The following DLGAP3 variants were observed in gnomAD, a reference collection of about 807,000 sequenced individuals.
The protein encoded by DLGAP3 is disks large-associated protein 3.
Under a neutral mutation model 81.2 loss-of-function variants are expected in DLGAP3, and 17 were observed. That is an observed-to-expected ratio of 0.21 (90% CI 0.14 to 0.31). The LOEUF is 0.31. Among genes scored for constraint, DLGAP3 ranks in the 10% least tolerant of loss-of-function variants. DLGAP3 has a pLI of 1.00. For missense variants in DLGAP3, 1,124 were observed against 1,388.0 expected (o/e 0.81, Z 3.02); for synonymous variants, 577 against 587.4 (o/e 0.98, Z 0.26).
At chr1:34,897,394 G>A (rs1341646212) in intron 5 of DLGAP3, among the ~76,000 whole-genome samples, 1 of 152,170 alleles carries the variant, frequency 6.6e-6, no homozygotes, top group Admixed American at 6.5e-5. Context: ...GGGCATTTGG[G>A]AAAAGACCTG....
chr1:34,924,467 T>C (rs1237390166), intron 1 of DLGAP3, among the ~76,000 whole-genome samples: 3 of 152,176 alleles, frequency 2.0e-5, no homozygotes, highest in Admixed American at 6.5e-5. Flanking sequence ...TATTTCAGTG[T>C]CCCTGTCCCA....
Position 34,886,289 on chromosome 1 carries a change from G to A in DLGAP3, c.1387-4C>T, listed in dbSNP as rs901331634. 4.4e-6 allele frequency: 7 copies of A among 1,577,714 alleles called. No homozygotes were observed. The highest frequency in any genetic ancestry group is 1.2e-5 in the South Asian group (1 of 86,434). ...GCTGGTTCAACTCATCGCTGAGCTG[G>A]GGGGCAGGGGGTCGGGAGGACAGTT... On this transcript the variant is annotated splice_region_variant and splice_polypyrimidine_tract_variant and intron_variant, in intron 5 of 11. Coordinates refer to ENST00000373347, the MANE Select transcript of DLGAP3 (RefSeq NM_001080418.3).
At position 34,895,466 on chromosome 1, in the gene DLGAP3, G is replaced by C. The variant is rs1047267903; in HGVS notation, c.1386+4203C>G. On this transcript the variant is annotated intron_variant, in intron 5 of 11. Coordinates refer to ENST00000373347, the MANE Select transcript of DLGAP3 (RefSeq NM_001080418.3). This position sits in a 1 kb window ranked among gnomAD's most constrained non-coding sequence, Gnocchi z 4.5. Reference sequence around the variant, plus strand: ...AAATGGAAATACATCCAATATTCAAGGATAATAATACTTAATATTGTTAAG... The same window carrying C: ...AAATGGAAATACATCCAATATTCAACGATAATAATACTTAATATTGTTAAG... Among the ~76,000 whole-genome samples, 3 of 151,830 alleles carry C rather than the reference G, an allele frequency of 2.0e-5. No homozygotes were observed. Among genetic ancestry groups the C allele is most frequent in the African/African-American group, 7.3e-5 (3 of 41,362 alleles).
At chr1:34,901,923 A>C (rs1639466270) in intron 3 of DLGAP3, among the ~76,000 whole-genome samples, 1 of 152,216 alleles carries the variant, frequency 6.6e-6, no homozygotes, top group Non-Finnish European at 1.5e-5. Context: ...ATAGTCTTTA[A>C]ACCTCAGAAG....
chr1:34,908,568 T>A (rs1190883782), intron 1 of DLGAP3, among the ~76,000 whole-genome samples: 1 of 152,192 alleles, frequency 6.6e-6, no homozygotes, highest in Non-Finnish European at 1.5e-5. Flanking sequence ...CAGCCGTGAC[T>A]GGAAGACTAA....
Position 34,868,984 on chromosome 1 carries a change from G to T in DLGAP3, c.2106C>A (p.Ala702=). 1 of 1,608,728 alleles carries T rather than the reference G, an allele frequency of 6.2e-7. No homozygotes were observed. ...GLATVATEDK[A]LQFGRSFQRH... Reference sequence around the variant, plus strand: ...TCTGGAAGGAGCGTCCAAACTGCAGGGCCTTGTCTTCTGTGGCCACCGTGG... The same window carrying T: ...TCTGGAAGGAGCGTCCAAACTGCAGTGCCTTGTCTTCTGTGGCCACCGTGG... The change falls in exon 9 of 12, where the codon GCC becomes GCA. Residue 702 remains alanine, a synonymous_variant. Coordinates refer to ENST00000373347, the MANE Select transcript of DLGAP3 (RefSeq NM_001080418.3). This position sits in a 1 kb window ranked among gnomAD's most constrained non-coding sequence, Gnocchi z 7.5.
chr1:34,920,121 G>A (rs948691951), intron 1 of DLGAP3, among the ~76,000 whole-genome samples: 1 of 152,156 alleles, frequency 6.6e-6, no homozygotes, highest in African/African-American at 2.4e-5. Context: ...GCTCTCCGCA[G>A]CCATTCCCCT....
chr1:34,915,771 G>A (rs1249176113), intron 1 of DLGAP3, among the ~76,000 whole-genome samples: 1 of 152,164 alleles, frequency 6.6e-6, no homozygotes, highest in African/African-American at 2.4e-5. Flanking sequence ...GCTCTCTCTG[G>A]GTTTCAGAGA....
intron 1 of DLGAP3, among the ~76,000 whole-genome samples, chr1:34,928,163 T>C (rs1212396332): frequency 6.6e-6 from 1 of 152,098 alleles, no homozygotes; most frequent in African/African-American, 2.4e-5. Flanking sequence ...TTATTATTAC[T>C]TCAAAGAGCT....
Position 34,895,525 on chromosome 1 carries a change from A to G in DLGAP3, c.1386+4144T>C, listed in dbSNP as rs1419632571. ...ACTCCATAAATTAATCTACACATTCAGAGCAATCCCTTCAAATTCCCAACT... is the reference window on the plus strand; with the variant it reads ...ACTCCATAAATTAATCTACACATTCGGAGCAATCCCTTCAAATTCCCAACT... On this transcript the variant is annotated intron_variant, in intron 5 of 11. Transcript: ENST00000373347. The surrounding 1 kb of genome is among the most constrained non-coding windows in gnomAD (Gnocchi z 4.5). Among the ~76,000 whole-genome samples the G allele has an allele frequency of 2.0e-5, 3 of 152,192 alleles. No individual in the cohort carries two copies. Among genetic ancestry groups the G allele is most frequent in the Admixed American group, 1.3e-4 (2 of 15,274 alleles).
intron 1 of DLGAP3, among the ~76,000 whole-genome samples, chr1:34,924,145 C>T (rs1422967063): frequency 1.3e-5 from 2 of 152,180 alleles, no homozygotes; most frequent in East Asian, 3.9e-4. Flanking sequence ...GTTACAAAGA[C>T]AGTGCATAAG....
Position 34,904,747 on chromosome 1 carries a change from C to T in DLGAP3, c.637G>A (p.Gly213Ser), listed in dbSNP as rs747689409. 1.7e-5 allele frequency: 27 copies of T among 1,611,644 alleles called. No homozygotes were observed. Among genetic ancestry groups the T allele is most frequent in the African/African-American group, 2.7e-5 (2 of 74,924 alleles). ...GTGTGGGGGCCTCCAGAGCCCGGGC[C>T]GGGGTAGCTGTCTCCTCCAGAGCCA... ...RGGSGGDSYP[G>S]PGSGGPHTSH... The change falls in exon 3 of 12, where the codon GGC becomes AGC. Residue 213 changes from glycine to serine, a missense_variant. Physicochemically the swap from Gly to Ser is moderately conservative, Grantham distance 56 (BLOSUM62 0). Coordinates refer to ENST00000373347, the MANE Select transcript of DLGAP3 (RefSeq NM_001080418.3). This position sits in a 1 kb window ranked among gnomAD's most constrained non-coding sequence, Gnocchi z 8.1.
intron 1 of DLGAP3, among the ~76,000 whole-genome samples, chr1:34,928,104 G>C (rs1456385586): frequency 6.6e-6 from 1 of 152,154 alleles, no homozygotes; most frequent in South Asian, 2.1e-4. Context: ...GAAGAGTTCA[G>C]AGGGCAGCAT....
intron 8 of DLGAP3, among the ~76,000 whole-genome samples, chr1:34,872,949 A>G (rs1416671530): frequency 6.6e-6 from 1 of 152,266 alleles, no homozygotes; most frequent in Non-Finnish European, 1.5e-5. Flanking sequence ...CAGCAGGAAT[A>G]CAACATTAAC....
At chr1:34,917,204 C>T (rs1007202179) in intron 1 of DLGAP3, among the ~76,000 whole-genome samples, 5 of 152,148 alleles carry the variant, frequency 3.3e-5, no homozygotes, top group South Asian at 2.1e-4. Flanking sequence ...TACACAGCCA[C>T]GCAGTCATCC....
chr1:34,866,176 C>A lies in DLGAP3; in HGVS notation c.2847G>T (p.Ala949=). The change falls in exon 12 of 12, where the codon GCG becomes GCT. Residue 949 remains alanine, a synonymous_variant. Coordinates refer to ENST00000373347, the MANE Select transcript of DLGAP3 (RefSeq NM_001080418.3). ...QRQEARKRLL[A]AKRAASFRHS... ...GGCGGAAGGAAGCGGCGCGCTTGGC[C>A]GCCAGGAGCCGCTTGCGCGCTTCCT... The A allele has an allele frequency of 6.3e-7, 1 of 1,589,674 alleles. No individual in the cohort carries two copies.
At chr1:34,915,904 G>A (rs1339401704) in intron 1 of DLGAP3, among the ~76,000 whole-genome samples, 1 of 152,164 alleles carries the variant, frequency 6.6e-6, no homozygotes, top group Admixed American at 6.5e-5. Context: ...TCTTCCAAGA[G>A]GCCTTCCCCT....
chr1:34,927,415 C>A (rs1569677059), intron 1 of DLGAP3, among the ~76,000 whole-genome samples: 1 of 152,104 alleles, frequency 6.6e-6, no homozygotes, highest in South Asian at 2.1e-4. Context: ...AGAGGTTGGA[C>A]CAAGTCAATA....
chr1:34,883,708 C>T (rs1569613394), intron 8 of DLGAP3, among the ~76,000 whole-genome samples: 3 of 152,120 alleles, frequency 2.0e-5, no homozygotes, highest in Admixed American at 2.0e-4. Flanking sequence ...TCGATGAAGG[C>T]ATTTACAGCC....
Sources: gnomAD v4.1 joint callset for allele counts (sites outside exome capture counted in the v4.1 genomes callset) on GRCh38, gnomAD v4.1.1 for gene constraint, Gnocchi (gnomAD v3.1) non-coding constraint, MANE v1.5 for transcripts, NCBI Gene and HGNC (gene_info 2026-07-23, HGNC 2026-07-21) for gene names.